SUGCT: variants seen among roughly 807,000 people sequenced by gnomAD.
SUGCT encodes succinyl-CoA:glutarate-CoA transferase.
In SUGCT, 41 loss-of-function variants were observed where a neutral mutation model predicts 55.0. The ratio of observed to expected loss-of-function variants is 0.74; its 90% CI spans 0.58 to 0.97. SUGCT has a LOEUF of 0.97. Ranked by LOEUF, SUGCT falls within the 50% of genes least tolerant of loss-of-function variation. SUGCT has a pLI of 0.00. For synonymous variants in SUGCT, 187 were observed against 200.4 expected (o/e 0.93, Z 0.56); for missense variants, 568 against 547.8 (o/e 1.04, Z -0.37).
chr7:40,609,428 G>T (rs186614012), intron 12 of SUGCT, among the ~76,000 whole-genome samples: 2 of 151,758 alleles, frequency 1.3e-5, no homozygotes, highest in African/African-American at 4.8e-5. Context: ...TTAGCCGGGC[G>T]TGGTGGCGGG....
chr7:40,450,873 A>G (rs1789155333), intron 10 of SUGCT, among the ~76,000 whole-genome samples: 1 of 152,116 alleles, frequency 6.6e-6, no homozygotes, highest in Admixed American at 6.6e-5. Context: ...TTTGTATGAG[A>G]AGGTAGGGAG....
intron 11 of SUGCT, among the ~76,000 whole-genome samples, chr7:40,483,404 T>C (rs1253870383): frequency 1.3e-5 from 2 of 152,218 alleles, no homozygotes; most frequent in East Asian, 1.9e-4. Flanking sequence ...TTAACACTTA[T>C]ATAGCACTTA....
intron 9 of SUGCT, among the ~76,000 whole-genome samples, chr7:40,393,723 C>G (rs541553606): frequency 6.6e-6 from 1 of 152,096 alleles, no homozygotes; most frequent in Non-Finnish European, 1.5e-5. Flanking sequence ...GGACCTTGCA[C>G]GGGTCTACAG....
chr7:40,655,709 G>C (rs994322016), intron 12 of SUGCT, among the ~76,000 whole-genome samples: 1 of 152,154 alleles, frequency 6.6e-6, no homozygotes, highest in Non-Finnish European at 1.5e-5. Context: ...GGGGACAGTG[G>C]TGAAATCAAA....
intron 13 of SUGCT, among the ~76,000 whole-genome samples, chr7:40,770,358 C>A (rs1789029762): frequency 6.6e-6 from 1 of 152,128 alleles, no homozygotes; most frequent in Admixed American, 6.5e-5. Flanking sequence ...CATCTCTGCC[C>A]TGGGATGTCT....
At position 40,459,093 on chromosome 7, in the gene SUGCT, T is replaced by C. The variant is rs776734871; in HGVS notation, c.889-8T>C. 6.3e-7 allele frequency: 1 copy of C among 1,592,126 alleles called. No homozygotes were observed. ...TTCTTATACTGGAAAATTATTTTTT[T>C]CTTTTAGATCTTGGATTTGCCTGAG... is the stretch of plus-strand genomic sequence containing the variant. On this transcript the variant is annotated splice_polypyrimidine_tract_variant and splice_region_variant and intron_variant, in intron 10 of 13. Transcript: ENST00000335693.
chr7:40,333,623 C>T (rs190903345), intron 9 of SUGCT, among the ~76,000 whole-genome samples: 2,735 of 94,852 alleles, frequency 0.029, 34 homozygotes, highest in Middle Eastern at 0.073. Context: ...GGTGACAGGG[C>T]GAGACTCTGT....
At chr7:40,839,245 A>G (rs978469719) in intron 13 of SUGCT, among the ~76,000 whole-genome samples, 7 of 151,992 alleles carry the variant, frequency 4.6e-5, no homozygotes. Flanking sequence ...TTTTGAGACC[A>G]TATTTTTATT....
chr7:40,717,769 T>C (rs1484429896), intron 12 of SUGCT, among the ~76,000 whole-genome samples: 1 of 152,130 alleles, frequency 6.6e-6, no homozygotes, highest in Admixed American at 6.5e-5. Flanking sequence ...GGGAAGATCT[T>C]CACTGCATCG....
Position 40,135,064 on chromosome 7 carries a change from G to T in SUGCT, c.44G>T (p.Cys15Phe). The change falls in exon 1 of 14, where the codon TGC becomes TTC. Residue 15 changes from cysteine to phenylalanine, a missense_variant. Transcript: ENST00000335693. ...LARVAALRRT[C>F]LFSGRGGGRG... ...AGGGTGGCAGCTCTGCGCAGAACCT[G>T]CCTCTTCTCCGGCCGGGGCGGCGGG... 1.3e-6 allele frequency: 2 copies of T among 1,561,616 alleles called. No individual in the cohort carries two copies. Among genetic ancestry groups the T allele is most frequent in the East Asian group, 4.8e-5 (2 of 41,554 alleles).
At position 40,135,045 on chromosome 7, in the gene SUGCT, G is replaced by A. The variant is rs907452137; in HGVS notation, c.25G>A (p.Ala9Thr). 1.3e-6 allele frequency: 2 copies of A among 1,561,740 alleles called. No homozygotes were observed. Among genetic ancestry groups the A allele is most frequent in the Non-Finnish European group, 1.7e-6 (2 of 1,154,436 alleles). The change falls in exon 1 of 14, where the codon GCA (alanine) becomes ACA (threonine). Residue 9 changes from alanine (A) to threonine (T), a missense_variant. Transcript: ENST00000335693. MLATLARVAALRRTCLFSG... is the reference protein window; with the variant it reads MLATLARVTALRRTCLFSG... ...GATGCTGGCGACGCTGGCGAGGGTG[G>A]CAGCTCTGCGCAGAACCTGCCTCTT...
chr7:40,334,486 A>G (rs1210181299), intron 9 of SUGCT, among the ~76,000 whole-genome samples: 2 of 152,078 alleles, frequency 1.3e-5, no homozygotes, highest in African/African-American at 2.4e-5. Flanking sequence ...TTTGATTTGC[A>G]TTTCTCTGAT....
chr7:40,515,407 C>T (rs916862661), intron 12 of SUGCT, among the ~76,000 whole-genome samples: 9 of 152,146 alleles, frequency 5.9e-5, no homozygotes, highest in African/African-American at 2.2e-4. Flanking sequence ...ATTGTGTAAC[C>T]ATCACCACCA....
At chr7:40,230,315 C>T (rs1006175215) in intron 6 of SUGCT, among the ~76,000 whole-genome samples, 1 of 152,102 alleles carries the variant, frequency 6.6e-6, no homozygotes, top group African/African-American at 2.4e-5. Flanking sequence ...ATGCATGTCA[C>T]GTGGTGGCCA....
At chr7:40,175,692 A>G (rs1450661011) in intron 1 of SUGCT, among the ~76,000 whole-genome samples, 1 of 151,862 alleles carries the variant, frequency 6.6e-6, no homozygotes, top group Non-Finnish European at 1.5e-5. Flanking sequence ...ACTAGACAGC[A>G]CTATGCTTCT....
At chr7:40,609,484 A>G (rs113276434) in intron 12 of SUGCT, among the ~76,000 whole-genome samples, 21,131 of 150,642 alleles carry the variant, frequency 0.14, 1,599 homozygotes, top group Middle Eastern at 0.2. Flanking sequence ...GGAGAATGGC[A>G]TGAACCTGGG....
intron 9 of SUGCT, among the ~76,000 whole-genome samples, chr7:40,357,246 A>G (rs1457042280): frequency 6.6e-6 from 1 of 152,158 alleles, no homozygotes; most frequent in Non-Finnish European, 1.5e-5. Flanking sequence ...TCAGTACCCA[A>G]TTTGGCAGTT....
At chr7:40,497,499 A>G (rs1267626002) in intron 12 of SUGCT, among the ~76,000 whole-genome samples, 1 of 152,218 alleles carries the variant, frequency 6.6e-6, no homozygotes, top group African/African-American at 2.4e-5. Context: ...ATAATGGTCA[A>G]TAAGTATTTG....
intron 8 of SUGCT, among the ~76,000 whole-genome samples, chr7:40,279,418 G>C (rs1792803498): frequency 6.6e-6 from 1 of 152,088 alleles, no homozygotes; most frequent in South Asian, 2.1e-4. Context: ...CCAAAGAATG[G>C]CATGGTTATT....
Sources: allele counts gnomAD v4.1 joint callset (sites outside exome capture counted in the v4.1 genomes callset), GRCh38; gene constraint gnomAD v4.1.1; transcripts MANE v1.5; gene names NCBI Gene and HGNC (gene_info 2026-07-23, HGNC 2026-07-21).